UBAC2: variants seen among roughly 807,000 people sequenced by gnomAD.
UBAC2 encodes UBA domain containing 2.
A neutral mutation model predicts 44.0 loss-of-function variants in UBAC2; 26 were observed. The observed-to-expected ratio is 0.59, with a 90% CI of 0.43 to 0.82. UBAC2 has a LOEUF of 0.82. Ranked by LOEUF, UBAC2 falls within the 40% of genes least tolerant of loss-of-function variation. The pLI is 0.00. For missense variants in UBAC2, 329 were observed against 419.4 expected (o/e 0.78, Z 1.88); for synonymous variants, 155 against 154.3 (o/e 1.00, Z -0.04).
chr13:99,201,628 T>G (rs1036144814), intron 1 of UBAC2: 1 of 1,587,112 alleles, frequency 6.3e-7, no homozygotes, highest in Non-Finnish European at 8.6e-7. Flanking sequence ...TGTGTGGAAT[T>G]GACTTTCGGT....
intron 4 of UBAC2, chr13:99,255,372 G>A (rs1223560373): frequency 2.5e-6 from 4 of 1,614,042 alleles, no homozygotes; most frequent in Admixed American, 3.3e-5. Context: ...TGGCGGGAGT[G>A]GAGTCTTTAT....
chr13:99,384,051 C>T (rs1198335380), intron 8 of UBAC2, among the ~76,000 whole-genome samples: 15 of 152,228 alleles, frequency 9.9e-5, no homozygotes, highest in South Asian at 4.1e-4. Flanking sequence ...GGCCCATGCC[C>T]GGCCCCTCCT....
chr13:99,203,022 A>ATTTT lies in UBAC2; in HGVS notation c.31+2084_31+2087dup, dbSNP rs369342839. Among the ~76,000 whole-genome samples, 25 of 84,750 alleles carry ATTTT rather than the reference A, an allele frequency of 2.9e-4. No individual in the cohort carries two copies. The South Asian group carries it at 7.3e-3, about 25-fold the overall frequency. 55.6% of individuals were successfully genotyped at this position (84,750 alleles called of 152,430 possible). ...AGGGAGAAGTGATTTCCTTTGTTTT[A>ATTTT]TTTTATTTATTTATTTATTTATTTA... On this transcript the variant is annotated intron_variant, in intron 1 of 8. Coordinates refer to ENST00000403766, the MANE Select transcript of UBAC2 (RefSeq NM_001144072.2).
At chr13:99,264,149 G>A (rs1193820642) in intron 4 of UBAC2, among the ~76,000 whole-genome samples, 1 of 152,212 alleles carries the variant, frequency 6.6e-6, no homozygotes, top group Non-Finnish European at 1.5e-5. Context: ...AGTCAAGTCA[G>A]CTGTCTTGGA....
At chr13:99,284,126 T>C (rs972438761) in intron 4 of UBAC2, among the ~76,000 whole-genome samples, 2 of 152,236 alleles carry the variant, frequency 1.3e-5, no homozygotes, top group African/African-American at 2.4e-5. Context: ...ACTGAGGCTG[T>C]GTATTTCAAC....
chr13:99,235,060 T>C (rs2043218273), intron 1 of UBAC2, among the ~76,000 whole-genome samples: 1 of 152,130 alleles, frequency 6.6e-6, no homozygotes. Context: ...CGTGACTGCT[T>C]TTAGTACAAG....
At chr13:99,202,785 A>G (rs1294208941) in intron 1 of UBAC2, among the ~76,000 whole-genome samples, 1 of 152,146 alleles carries the variant, frequency 6.6e-6, no homozygotes, top group African/African-American at 2.4e-5. Flanking sequence ...GCCGTTCCTC[A>G]GAAGGCTGTG....
At chr13:99,354,240 T>C (rs1431424895) in intron 7 of UBAC2, among the ~76,000 whole-genome samples, 1 of 152,198 alleles carries the variant, frequency 6.6e-6, no homozygotes, top group Admixed American at 6.5e-5. Flanking sequence ...TCATGAGCAG[T>C]GTGAGCCGGG....
chr13:99,375,623 A>G (rs915158114), intron 8 of UBAC2, among the ~76,000 whole-genome samples: 1 of 152,222 alleles, frequency 6.6e-6, no homozygotes, highest in Middle Eastern at 3.2e-3. Context: ...CTAAAAGGGA[A>G]GTTAAAGAAA....
chr13:99,201,436 G>A, intron 1 of UBAC2: 6 of 1,613,778 alleles, frequency 3.7e-6, no homozygotes, highest in Non-Finnish European at 5.1e-6. Context: ...CAGTCTCCAA[G>A]AAGAGTTTTT....
intron 1 of UBAC2, among the ~76,000 whole-genome samples, chr13:99,224,022 C>T (rs2043083178): frequency 6.6e-6 from 1 of 152,138 alleles, no homozygotes; most frequent in Non-Finnish European, 1.5e-5. Context: ...TTTTTCAGGT[C>T]TTGTGTATCC....
chr13:99,315,773 A>G (rs1293284163), intron 5 of UBAC2, among the ~76,000 whole-genome samples: 1 of 151,954 alleles, frequency 6.6e-6, no homozygotes, highest in Non-Finnish European at 1.5e-5. Context: ...TATAGCTACC[A>G]CTATTCATTT....
chr13:99,301,617 C>G (rs959538474), intron 4 of UBAC2, among the ~76,000 whole-genome samples: 1 of 151,918 alleles, frequency 6.6e-6, no homozygotes, highest in African/African-American at 2.4e-5. Context: ...TTGACATGAA[C>G]TGACAGGTTC....
intron 4 of UBAC2, among the ~76,000 whole-genome samples, chr13:99,270,485 G>C (rs1436292989): frequency 1.3e-5 from 2 of 152,092 alleles, no homozygotes; most frequent in East Asian, 3.8e-4. Context: ...GCTAATTCTT[G>C]GGCACAGATC....
At chr13:99,346,290 C>T (rs1194824402) in intron 7 of UBAC2, among the ~76,000 whole-genome samples, 3 of 152,174 alleles carry the variant, frequency 2.0e-5, no homozygotes, top group African/African-American at 7.2e-5. Flanking sequence ...TTTCTTCCCT[C>T]CCATCTCCAT....
At chr13:99,274,294 A>G (rs1424793129) in intron 4 of UBAC2, among the ~76,000 whole-genome samples, 1 of 151,222 alleles carries the variant, frequency 6.6e-6, no homozygotes, top group Non-Finnish European at 1.5e-5. Flanking sequence ...TTATTGGTAT[A>G]GTATTTTGGT....
intron 7 of UBAC2, among the ~76,000 whole-genome samples, chr13:99,358,121 C>T (rs1353017045): frequency 6.6e-6 from 1 of 152,104 alleles, no homozygotes; most frequent in Non-Finnish European, 1.5e-5. Context: ...GTGGTGAGAG[C>T]AGGCTCCCCA....
chr13:99,356,031 T>A (rs2045175779), intron 7 of UBAC2: 1 of 406,678 alleles, frequency 2.5e-6, no homozygotes, highest in Non-Finnish European at 5.4e-6. Context: ...TGTAAAATTG[T>A]ACCTATGTCA....
At chr13:99,240,061 G>A (rs1464441260) in intron 2 of UBAC2, among the ~76,000 whole-genome samples, 1 of 152,178 alleles carries the variant, frequency 6.6e-6, no homozygotes, top group Non-Finnish European at 1.5e-5. Flanking sequence ...CAGGAAGCGT[G>A]CTTTGAGGCA....
Sources: allele counts gnomAD v4.1 joint callset (sites outside exome capture counted in the v4.1 genomes callset), GRCh38; gene constraint gnomAD v4.1.1; transcripts MANE v1.5; gene names NCBI Gene and HGNC (gene_info 2026-07-23, HGNC 2026-07-21).